Variants in MFGE8 observed in about 807,000 individuals in gnomAD.
MFGE8 encodes lactadherin.
In MFGE8, 34 loss-of-function variants were observed where a neutral mutation model predicts 42.6. The observed-to-expected ratio is 0.80, with a 90% CI of 0.61 to 1.06. MFGE8 has a LOEUF of 1.06. Ranked by LOEUF, MFGE8 falls within the 50% of genes least tolerant of loss-of-function variation. The pLI, the probability that MFGE8 is intolerant of heterozygous loss-of-function variation, is 0.00. For synonymous variants in MFGE8, 230 were observed against 214.8 expected (o/e 1.07, Z -0.62); for missense variants, 510 against 516.9 (o/e 0.99, Z 0.13).
Position 88,912,331 on chromosome 15 carries a change from C to T in MFGE8, c.73+916G>A, listed in dbSNP as rs1200356387. 27 of 985,252 alleles carry T rather than the reference C, an allele frequency of 2.7e-5. 1 individual carries two copies. The Admixed American group carries it at 1.6e-3, about 58-fold the overall frequency. The allele number at this position is 985,252 out of a possible 1,614,324, so 61.0% of individuals were successfully genotyped here. On this transcript the variant is annotated intron_variant, in intron 1 of 7. Transcript: ENST00000268150. ...CATGGTGGCCGGGGAGGGCCAGGAG[C>T]TCCCAAGTTCCTGGGAGCTTGGAGC...
In MFGE8 at chr15:88,913,346, G is replaced by C. The variant is rs1468583483; in HGVS notation, c.-27C>G. The C allele has an allele frequency of 2.2e-5, 31 of 1,411,352 alleles. No individual in the cohort carries two copies. Among genetic ancestry groups the C allele is most frequent in the East Asian group, 2.9e-5 (1 of 34,162 alleles). 87.4% of individuals were successfully genotyped at this position (1,411,352 alleles called of 1,614,324 possible). A position where few individuals can be genotyped will look rare whatever the true frequency, so the allele number is the denominator to read the frequency against. ...CTGCGGGGACGCGGGCGCTGGAATG[G>C]GCACGCTGGGCTGCTCAGACCCCGC... On this transcript the variant is annotated 5_prime_UTR_variant, in exon 1 of 8. Coordinates refer to ENST00000268150, the MANE Select transcript of MFGE8 (RefSeq NM_005928.4).
In MFGE8 at chr15:88,899,295, C is replaced by G. The variant is rs1898248127; in HGVS notation, c.*100G>C. 1 of 1,538,112 alleles carries G rather than the reference C, an allele frequency of 6.5e-7. No individual in the cohort carries two copies. The highest frequency in any genetic ancestry group is 1.4e-5 in the African/African-American group (1 of 73,584). On this transcript the variant is annotated 3_prime_UTR_variant, in exon 8 of 8. Coordinates refer to ENST00000268150, the MANE Select transcript of MFGE8 (RefSeq NM_005928.4). The surrounding 1 kb of genome is among the most constrained non-coding windows in gnomAD (Gnocchi z 6.8). Reference sequence around the variant, plus strand: ...TGGTGCTGCCTCTGAACACCCTCCCCTTCCCCAGTCCCCAGCCCTATGGTG... The same window carrying G: ...TGGTGCTGCCTCTGAACACCCTCCCGTTCCCCAGTCCCCAGCCCTATGGTG...
chr15:88,906,264 G>C lies in MFGE8; in HGVS notation c.540+362C>G. ...AGAGTTCCACAAATGTACAATGCCT[G>C]TACTGTGAATGGTGCCTGCTTAGCA... On this transcript the variant is annotated intron_variant, in intron 4 of 7. Coordinates refer to ENST00000268150, the MANE Select transcript of MFGE8 (RefSeq NM_005928.4). This position sits in a 1 kb window ranked among gnomAD's most constrained non-coding sequence, Gnocchi z 4.2. The C allele has an allele frequency of 2.2e-6, 1 of 452,912 alleles. No individual in the cohort carries two copies. Among genetic ancestry groups the C allele is most frequent in the South Asian group, 2.1e-5 (1 of 47,594 alleles). The allele number at this position is 452,912 out of a possible 1,614,324, so 28.1% of individuals were successfully genotyped here.
At position 88,905,636 on chromosome 15, in the gene MFGE8, T is replaced by C. The variant is rs1898635622; in HGVS notation, c.685+121A>G. The C allele has an allele frequency of 2.9e-6, 4 of 1,379,730 alleles. No homozygotes were observed. The highest frequency in any genetic ancestry group is 4.1e-6 in the Non-Finnish European group (4 of 984,276). 85.5% of individuals were successfully genotyped at this position (1,379,730 alleles called of 1,614,324 possible). A position where few individuals can be genotyped will look rare whatever the true frequency, so the allele number is the denominator to read the frequency against. Reference sequence around the variant, plus strand: ...TAGAGTGCGTTGCCCGAGTGAAGCCTGGTCCCCGTGCCTTGTTGCTGCCCT... The same window carrying C: ...TAGAGTGCGTTGCCCGAGTGAAGCCCGGTCCCCGTGCCTTGTTGCTGCCCT... On this transcript the variant is annotated intron_variant, in intron 5 of 7. Coordinates refer to ENST00000268150, the MANE Select transcript of MFGE8 (RefSeq NM_005928.4). This position sits in a 1 kb window ranked among gnomAD's most constrained non-coding sequence, Gnocchi z 6.6.
At chr15:88,912,264 C>T in intron 1 of MFGE8, 1 of 1,289,476 alleles carries the variant, frequency 7.8e-7, no homozygotes, top group Non-Finnish European at 1.0e-6. Context: ...TTGGGGGGTA[C>T]AGGGAAGAGT....
intron 1 of MFGE8, among the ~76,000 whole-genome samples, chr15:88,911,860 C>T (rs541576877): frequency 2.0e-5 from 3 of 152,178 alleles, no homozygotes; most frequent in South Asian, 4.1e-4. Flanking sequence ...CATTAATGAG[C>T]GATCTGCCCT....
chr15:88,905,697 G>A lies in MFGE8; in HGVS notation c.685+60C>T. 3 of 1,608,732 alleles carry A rather than the reference G, an allele frequency of 1.9e-6. No individual in the cohort carries two copies. Among genetic ancestry groups the A allele is most frequent in the South Asian group, 1.1e-5 (1 of 90,962 alleles). On this transcript the variant is annotated intron_variant, in intron 5 of 7. Coordinates refer to ENST00000268150, the MANE Select transcript of MFGE8 (RefSeq NM_005928.4). This position sits in a 1 kb window ranked among gnomAD's most constrained non-coding sequence, Gnocchi z 6.6. ...GTTTGGCTGAGAAAAGAGGCAGCAG[G>A]GAGGGCCACCTCCTAGGATTGGCCA...
At chr15:88,904,741 G>A (rs977322390) in intron 5 of MFGE8, 4 of 152,278 alleles carry the variant, frequency 2.6e-5, no homozygotes, top group African/African-American at 9.7e-5. Flanking sequence ...ACTGAACCCA[G>A]CCAGGCACTG....
chr15:88,907,201 C>T lies in MFGE8; in HGVS notation c.381G>A (p.Trp127Ter), dbSNP rs1263925409. Reference protein sequence around the residue: ...WTPSSNDDNPWIQVNLLRRMW... With the variant: ...WTPSSNDDNP ...GGGCCATCCCCAGGCATACCTGGATCCAGGGGTTATCGTCATTGCTGCTGG... is the reference window on the plus strand; with the variant it reads ...GGGCCATCCCCAGGCATACCTGGATTCAGGGGTTATCGTCATTGCTGCTGG... Residue 127 changes from tryptophan to a stop codon, truncating the protein, a stop_gained, in exon 3 of 8, where the codon TGG becomes TGA. Transcript: ENST00000268150. LOFTEE classifies it high-confidence loss of function. 4.3e-6 allele frequency: 7 copies of T among 1,613,234 alleles called. No homozygotes were observed. The highest frequency in any genetic ancestry group is 4.2e-6 in the Non-Finnish European group (5 of 1,179,736).
intron 6 of MFGE8, among the ~76,000 whole-genome samples, chr15:88,901,305 TCACACACACACATTCACA>T (rs910620091): frequency 4.3e-5 from 3 of 69,724 alleles, no homozygotes; most frequent in Non-Finnish European, 7.7e-5. Context: ...ATTCACACAC[TCACACACACACATTCACA>T]CACACACACA....
chr15:88,912,222 G>T lies in MFGE8; in HGVS notation c.73+1025C>A, dbSNP rs1294273431. 5.4e-6 allele frequency: 7 copies of T among 1,289,780 alleles called. No individual in the cohort carries two copies. The Admixed American group carries it at 1.6e-4, about 30-fold the overall frequency. 79.9% of individuals were successfully genotyped at this position (1,289,780 alleles called of 1,614,324 possible). On this transcript the variant is annotated intron_variant, in intron 1 of 7. Coordinates refer to ENST00000268150, the MANE Select transcript of MFGE8 (RefSeq NM_005928.4). Reference sequence around the variant, plus strand: ...GACTTCAGAGTCCTGCTCTTTCGGGGACTTTCCAGTAACATTTGGCCAGAG... The same window carrying T: ...GACTTCAGAGTCCTGCTCTTTCGGGTACTTTCCAGTAACATTTGGCCAGAG...
Position 88,899,359 on chromosome 15 carries a change from T to C in MFGE8, c.*36A>G, listed in dbSNP as rs200624024. On this transcript the variant is annotated 3_prime_UTR_variant, in exon 8 of 8. Transcript: ENST00000268150. The surrounding 1 kb of genome is among the most constrained non-coding windows in gnomAD (Gnocchi z 6.8). ...GAGAAGCCAAGAGGCAGCGGGCCCA[T>C]GGAAAGCAGGAAGACCTGGGGGTGG... The C allele has an allele frequency of 1.2e-6, 2 of 1,612,942 alleles. No individual in the cohort carries two copies. The highest frequency in any genetic ancestry group is 1.7e-4 in the Middle Eastern group (1 of 5,922).
In MFGE8 at chr15:88,899,575, C is replaced by G. The variant is rs553088811; in HGVS notation, c.1027-43G>C. The G allele has an allele frequency of 1.5e-5, 24 of 1,614,006 alleles. 1 individual carries two copies. The highest frequency in any genetic ancestry group is 1.6e-4 in the Middle Eastern group (1 of 6,084). ...GTCAGGAGGACCCCGAGCCAGCCCC[C>G]CTCCCCTCAGAGCCCCAGGCCAGAC... is the stretch of plus-strand genomic sequence containing the variant. On this transcript the variant is annotated intron_variant, in intron 7 of 7. Transcript: ENST00000268150. This position sits in a 1 kb window ranked among gnomAD's most constrained non-coding sequence, Gnocchi z 6.8.
At chr15:88,909,070 C>T (rs924307706) in intron 2 of MFGE8, among the ~76,000 whole-genome samples, 3 of 152,238 alleles carry the variant, frequency 2.0e-5, no homozygotes, top group African/African-American at 7.2e-5. Context: ...GGCAACCCGC[C>T]TGCCCCATGA....
chr15:88,905,728 G>GC lies in MFGE8; in HGVS notation c.685+28dup, dbSNP rs767073395. The GC allele has an allele frequency of 1.2e-6, 2 of 1,613,456 alleles. No individual in the cohort carries two copies. Among genetic ancestry groups the GC allele is most frequent in the African/African-American group, 2.7e-5 (2 of 74,858 alleles). The stretch of plus-strand genomic sequence containing the variant: ...CCACCTCCTAGGATTGGCCAACAGT[G>GC]CCCCCCTACCCGCACCCCCAGCACT... On this transcript the variant is annotated intron_variant, in intron 5 of 7. Transcript: ENST00000268150. This position sits in a 1 kb window ranked among gnomAD's most constrained non-coding sequence, Gnocchi z 6.6.
chr15:88,909,689 G>C, intron 2 of MFGE8, 103 bp downstream of exon 2: 1 of 1,566,700 alleles, frequency 6.4e-7, no homozygotes, highest in Non-Finnish European at 8.8e-7. Context: ...ACTGGGGTGG[G>C]GATCACAGGC....
Position 88,905,647 on chromosome 15 carries a change from C to G in MFGE8, c.685+110G>C. 6.8e-7 allele frequency: 1 copy of G among 1,475,424 alleles called. No individual in the cohort carries two copies. Among genetic ancestry groups the G allele is most frequent in the East Asian group, 2.3e-5 (1 of 43,928 alleles). 91.4% of individuals were successfully genotyped at this position (1,475,424 alleles called of 1,614,324 possible). A position where few individuals can be genotyped will look rare whatever the true frequency, so the allele number is the denominator to read the frequency against. On this transcript the variant is annotated intron_variant, in intron 5 of 7. Transcript: ENST00000268150. This position sits in a 1 kb window ranked among gnomAD's most constrained non-coding sequence, Gnocchi z 6.6. ...GCCCGAGTGAAGCCTGGTCCCCGTG[C>G]CTTGTTGCTGCCCTACCTAGCTCAG... is the stretch of plus-strand genomic sequence containing the variant.
chr15:88,910,138 G>A (rs1898891559), intron 1 of MFGE8: 4 of 542,972 alleles, frequency 7.4e-6, no homozygotes, highest in Admixed American at 2.7e-5. Flanking sequence ...TAAGGGAAGC[G>A]CCCAGCTTTC....
In MFGE8 at chr15:88,902,446, T is replaced by A. The variant is rs1898478789; in HGVS notation, c.686-711A>T. 6.6e-6 allele frequency: 1 copy of A among 152,378 alleles called. No individual in the cohort carries two copies. The highest frequency in any genetic ancestry group is 2.4e-5 in the African/African-American group (1 of 41,422). 9.4% of individuals were successfully genotyped at this position (152,378 alleles called of 1,614,324 possible). On this transcript the variant is annotated intron_variant, in intron 5 of 7. Coordinates refer to ENST00000268150, the MANE Select transcript of MFGE8 (RefSeq NM_005928.4). This position sits in a 1 kb window ranked among gnomAD's most constrained non-coding sequence, Gnocchi z 4.3. The stretch of plus-strand genomic sequence containing the variant: ...CGACCCAGTGATGAACAGGACAACA[T>A]CCCTGCCCTCCAGCAGCTGGCAGTT...
Sources: gnomAD v4.1 joint callset for allele counts (sites outside exome capture counted in the v4.1 genomes callset) on GRCh38, gnomAD v4.1.1 for gene constraint, Gnocchi (gnomAD v3.1) non-coding constraint, MANE v1.5 for transcripts, NCBI Gene and HGNC (gene_info 2026-07-23, HGNC 2026-07-21) for gene names.